The following VWA1 variants were observed in gnomAD, a reference collection of about 807,000 sequenced individuals.
VWA1 encodes the protein von Willebrand factor A domain-containing protein 1.
A neutral mutation model predicts 14.9 loss-of-function variants in VWA1; 12 were observed. The observed-to-expected ratio is 0.80, with a 90% confidence interval of 0.52 to 1.30. The LOEUF (loss-of-function observed/expected upper bound fraction) is 1.30. Ranked by LOEUF, VWA1 falls within the 50% of genes most tolerant of loss-of-function variation. The pLI is 0.00. For missense variants in VWA1, 800 were observed against 649.1 expected, an observed-to-expected ratio of 1.23 and a Z score of -2.53; for synonymous variants, 368 against 310.7, an observed-to-expected ratio of 1.18 and a Z score of -1.94.
At chr1:1,435,959 G>A in intron 1 of VWA1, 138 bp downstream of exon 1, 1 of 636,154 alleles carries the variant, frequency 1.6e-6, no homozygotes, top group Non-Finnish European at 2.0e-6. Context: ...GCGGGGGCGC[G>A]GGCGGAGCGT....
Position 1,439,681 on chromosome 1 carries a change from G to T in VWA1, c.1232G>T (p.Arg411Leu). ...VTVTAAFRSG[R>L]ESALSAKACT... ...GTGACCGCCGCCTTCCGCTCGGGCCGCGAGAGCGCGCTGTCCGCCAAGGCC... is the reference window on the plus strand; with the variant it reads ...GTGACCGCCGCCTTCCGCTCGGGCCTCGAGAGCGCGCTGTCCGCCAAGGCC... Residue 411 changes from arginine (R) to leucine (L), a missense_variant, in exon 3 of 3, where the codon CGC becomes CTC. Transcript: ENST00000476993. The T allele has an allele frequency of 7.8e-7, 1 of 1,288,280 alleles. No homozygotes were observed. Among genetic ancestry groups the T allele is most frequent in the Non-Finnish European group, 9.9e-7 (1 of 1,008,612 alleles). 79.8% of individuals were successfully genotyped at this position (1,288,280 alleles called of 1,614,324 possible). A position where few individuals can be genotyped will look rare whatever the true frequency, so the allele number is the denominator to read the frequency against.
chr1:1,439,904 C>T lies in VWA1; in HGVS notation c.*117C>T. ...GGTGCAGGCCCGGCCTTTCCCCACG[C>T]GGACTCCGCGCGACCCCGGCCCTCT... On this transcript the variant is annotated 3_prime_UTR_variant, in exon 3 of 3. Transcript: ENST00000476993. The T allele has an allele frequency of 9.9e-7, 1 of 1,010,954 alleles. No homozygotes were observed. Among genetic ancestry groups the T allele is most frequent in the Non-Finnish European group, 1.2e-6 (1 of 843,186 alleles). 62.6% of individuals were successfully genotyped at this position (1,010,954 alleles called of 1,614,324 possible).
At chr1:1,435,971 C>T in intron 1 of VWA1, 150 bp downstream of exon 1, 2 of 452,810 alleles carry the variant, frequency 4.4e-6, no homozygotes, top group Non-Finnish European at 5.7e-6. Context: ...GCGGAGCGTC[C>T]TGCTCACCTG....
chr1:1,435,718 G>C lies in VWA1; in HGVS notation c.-31G>C. 8.4e-7 allele frequency: 1 copy of C among 1,192,936 alleles called. No individual in the cohort carries two copies. Among genetic ancestry groups the C allele is most frequent in the Non-Finnish European group, 1.0e-6 (1 of 956,602 alleles). The allele number at this position is 1,192,936 out of a possible 1,614,324, so 73.9% of individuals were successfully genotyped here. A position where few individuals can be genotyped will look rare whatever the true frequency, so the allele number is the denominator to read the frequency against. ...CCCGAGCGAGCGAGCGAGCGAGCGA[G>C]TTGCCGAGCGCGCCCCGTCCCTCGC... On this transcript the variant is annotated 5_prime_UTR_variant, in exon 1 of 3. Transcript: ENST00000476993.
chr1:1,435,917 G>C (rs1319212102), intron 1 of VWA1, 96 bp downstream of exon 1: 1 of 805,682 alleles, frequency 1.2e-6, no homozygotes, highest in Non-Finnish European at 1.5e-6. Context: ...TGCTCCGGAC[G>C]GGCGGGCGGG....
chr1:1,436,839 G>C, intron 1 of VWA1, 88 bp from the exon 2 acceptor site: 3 of 1,387,148 alleles, frequency 2.2e-6, no homozygotes, highest in Non-Finnish European at 2.9e-6. Context: ...TCCACTTAAG[G>C]AAAGCTGGGG....
At position 1,437,222 on chromosome 1, in the gene VWA1, G is replaced by A. The variant is rs1235889835; in HGVS notation, c.369G>A (p.Gln123=). The A allele has an allele frequency of 1.2e-6, 2 of 1,611,660 alleles. No individual in the cohort carries two copies. Among genetic ancestry groups the A allele is most frequent in the Admixed American group, 1.7e-5 (1 of 59,820 alleles). Residue 123 remains glutamine (Q), a synonymous_variant, in exon 2 of 3, where the codon CAG becomes CAA. Coordinates refer to ENST00000476993, the MANE Select transcript of VWA1 (RefSeq NM_022834.5). The part of the protein sequence containing the change: ...TGLALVYAKE[Q]LFAEASGARP... ...TGGCGCTGGTCTATGCCAAGGAACA[G>A]CTGTTTGCTGAAGCATCAGGTGCCC...
intron 2 of VWA1, among the ~76,000 whole-genome samples, chr1:1,438,196 G>A (rs561728288): frequency 1.1e-4 from 17 of 152,306 alleles, no homozygotes; most frequent in South Asian, 4.1e-4. Context: ...ACCCAGAGCC[G>A]GAAGGGGTTG....
chr1:1,437,319 C>CAGG lies in VWA1; in HGVS notation c.469_471dup (p.Glu157dup). The CAGG allele has an allele frequency of 6.2e-7, 1 of 1,611,926 alleles. No homozygotes were observed. Among genetic ancestry groups the CAGG allele is most frequent in the Non-Finnish European group, 8.5e-7 (1 of 1,179,630 alleles). ...CAGCGACCCTGTGGGCCCCCCCATGCAGGAGCTCAAGGACCTGGGCGTCAC... is the reference window on the plus strand; with the variant it reads ...CAGCGACCCTGTGGGCCCCCCCATGCAGGAGGAGCTCAAGGACCTGGGCGTCAC... On this transcript the variant is annotated inframe_insertion, in exon 2 of 3. Transcript: ENST00000476993.
chr1:1,437,640 T>C (rs1465559536), intron 2 of VWA1, among the ~76,000 whole-genome samples, 156 bp downstream of exon 2: 1 of 152,096 alleles, frequency 6.6e-6, no homozygotes, highest in Non-Finnish European at 1.5e-5. Context: ...TGATGCAGCT[T>C]GTCTATGCAC....
Position 1,439,954 on chromosome 1 carries a change from C to T in VWA1, c.*167C>T. On this transcript the variant is annotated 3_prime_UTR_variant, in exon 3 of 3. Coordinates refer to ENST00000476993, the MANE Select transcript of VWA1 (RefSeq NM_022834.5). ...TCCCTGCGGCCGCAGGGCTTCCCCG[C>T]CTGGCGCCTGCCCTCCAGGGCTGGG... is the stretch of plus-strand genomic sequence containing the variant. 9.6e-6 allele frequency: 8 copies of T among 834,880 alleles called. No homozygotes were observed. The highest frequency in any genetic ancestry group is 1.2e-5 in the Non-Finnish European group (8 of 680,508). The allele number at this position is 834,880 out of a possible 1,614,324, so 51.7% of individuals were successfully genotyped here. A position where few individuals can be genotyped will look rare whatever the true frequency, so the allele number is the denominator to read the frequency against.
At position 1,437,461 on chromosome 1, in the gene VWA1, A is replaced by G. The variant is rs1476517441; in HGVS notation, c.608A>G (p.Gln203Arg). The change falls in exon 2 of 3, where the codon CAA becomes CGA. Residue 203 changes from glutamine to arginine, a missense_variant. Transcript: ENST00000476993. ...GTGGATGACCTGCACATCATTGTCC[A>G]AGAGCTGAGGGGCTCCATTCTCGGT... is the stretch of plus-strand genomic sequence containing the variant. ...VDVDDLHIIV[Q>R]ELRGSILDAM... 1 of 1,607,964 alleles carries G rather than the reference A, an allele frequency of 6.2e-7. No individual in the cohort carries two copies. Among genetic ancestry groups the G allele is most frequent in the African/African-American group, 1.3e-5 (1 of 74,836 alleles).
At position 1,437,303 on chromosome 1, in the gene VWA1, T is replaced by C. The variant is rs1236697384; in HGVS notation, c.450T>C (p.Pro150=). Residue 150 remains proline, a synonymous_variant, in exon 2 of 3, where the codon CCT becomes CCC. Transcript: ENST00000476993. ...VWVTDGGSSD[P]VGPPMQELKD... ...TGACAGATGGCGGCTCCAGCGACCC[T>C]GTGGGCCCCCCCATGCAGGAGCTCA... is the stretch of plus-strand genomic sequence containing the variant. 2 of 1,610,972 alleles carry C rather than the reference T, an allele frequency of 1.2e-6. No homozygotes were observed. Among genetic ancestry groups the C allele is most frequent in the East Asian group, 2.2e-5 (1 of 44,876 alleles).
chr1:1,439,422 G>GCCGCCCTCC lies in VWA1; in HGVS notation c.980_988dup (p.Leu327_Ala329dup). The GCCGCCCTCC allele has an allele frequency of 7.1e-7, 1 of 1,411,288 alleles. No individual in the cohort carries two copies. The highest frequency in any genetic ancestry group is 2.4e-4 in the Middle Eastern group (1 of 4,156). The allele number at this position is 1,411,288 out of a possible 1,614,324, so 87.4% of individuals were successfully genotyped here. On this transcript the variant is annotated inframe_insertion, in exon 3 of 3. Coordinates refer to ENST00000476993, the MANE Select transcript of VWA1 (RefSeq NM_022834.5). ...GGCTGGGCCGGCCCCCACGCAGCTC[G>GCCGCCCTCC]CCGCCCTCCCCGCCCCAGAGGAGGC...
Position 1,441,982 on chromosome 1 carries a change from T to C in VWA1, c.*2195T>C, listed in dbSNP as rs949522600. The C allele has an allele frequency of 6.6e-6, 1 of 152,276 alleles. No individual in the cohort carries two copies. The highest frequency in any genetic ancestry group is 2.4e-5 in the African/African-American group (1 of 41,446). 9.4% of individuals were successfully genotyped at this position (152,276 alleles called of 1,614,324 possible). A position where few individuals can be genotyped will look rare whatever the true frequency, so the allele number is the denominator to read the frequency against. On this transcript the variant is annotated 3_prime_UTR_variant, in exon 3 of 3. Coordinates refer to ENST00000476993, the MANE Select transcript of VWA1 (RefSeq NM_022834.5). ...CCAAGGCTGAGCACAGCACAAGGCCTCACGGAGAGGGTGAAAAGGCACTGC... is the reference window on the plus strand; with the variant it reads ...CCAAGGCTGAGCACAGCACAAGGCCCCACGGAGAGGGTGAAAAGGCACTGC...
chr1:1,440,018 T>G lies in VWA1; in HGVS notation c.*231T>G. On this transcript the variant is annotated 3_prime_UTR_variant, in exon 3 of 3. Coordinates refer to ENST00000476993, the MANE Select transcript of VWA1 (RefSeq NM_022834.5). ...GGACCCCGCAGCAGCCCCGGCCCCATCCCCGCCCAGAGCCGGGCGTCGTGT... is the reference window on the plus strand; with the variant it reads ...GGACCCCGCAGCAGCCCCGGCCCCAGCCCCGCCCAGAGCCGGGCGTCGTGT... 3.3e-6 allele frequency: 1 copy of G among 307,064 alleles called. No homozygotes were observed. Among genetic ancestry groups the G allele is most frequent in the Non-Finnish European group, 5.2e-6 (1 of 192,932 alleles). The allele number at this position is 307,064 out of a possible 1,614,324, so 19.0% of individuals were successfully genotyped here.
At position 1,440,017 on chromosome 1, in the gene VWA1, A is replaced by C. The variant is rs1036255374; in HGVS notation, c.*230A>C. The C allele has an allele frequency of 3.3e-6, 1 of 305,260 alleles. No homozygotes were observed. Among genetic ancestry groups the C allele is most frequent in the Non-Finnish European group, 5.2e-6 (1 of 191,086 alleles). The allele number at this position is 305,260 out of a possible 1,614,324, so 18.9% of individuals were successfully genotyped here. A position where few individuals can be genotyped will look rare whatever the true frequency, so the allele number is the denominator to read the frequency against. ...GGGACCCCGCAGCAGCCCCGGCCCCATCCCCGCCCAGAGCCGGGCGTCGTG... is the reference window on the plus strand; with the variant it reads ...GGGACCCCGCAGCAGCCCCGGCCCCCTCCCCGCCCAGAGCCGGGCGTCGTG... On this transcript the variant is annotated 3_prime_UTR_variant, in exon 3 of 3. Coordinates refer to ENST00000476993, the MANE Select transcript of VWA1 (RefSeq NM_022834.5).
rs1638607834 is a variant in VWA1, at chr1:1,439,300, T to G, written c.851T>G (p.Val284Gly). 2 of 1,597,812 alleles carry G rather than the reference T, an allele frequency of 1.3e-6. No individual in the cohort carries two copies. Among genetic ancestry groups the G allele is most frequent in the Non-Finnish European group, 1.7e-6 (2 of 1,175,920 alleles). Reference sequence around the variant, plus strand: ...GACACGGACTACGACGTGGCGCTAGTGCCTGAGTCCAACGTGCGCCTCCTG... The same window carrying G: ...GACACGGACTACGACGTGGCGCTAGGGCCTGAGTCCAACGTGCGCCTCCTG... Reference protein sequence around the residue: ...DPDTDYDVALVPESNVRLLRP... With the variant: ...DPDTDYDVALGPESNVRLLRP... The change falls in exon 3 of 3, where the codon GTG (valine) becomes GGG (glycine). Residue 284 changes from valine (V) to glycine (G), a missense_variant. Transcript: ENST00000476993.
Position 1,439,886 on chromosome 1 carries a change from G to A in VWA1, c.*99G>A. Reference sequence around the variant, plus strand: ...CGCCCAACCCGGCAGACGGGTGCAGGCCCGGCCTTTCCCCACGCGGACTCC... The same window carrying A: ...CGCCCAACCCGGCAGACGGGTGCAGACCCGGCCTTTCCCCACGCGGACTCC... On this transcript the variant is annotated 3_prime_UTR_variant, in exon 3 of 3. Transcript: ENST00000476993. The A allele has an allele frequency of 3.9e-6, 4 of 1,025,478 alleles. No individual in the cohort carries two copies. Among genetic ancestry groups the A allele is most frequent in the Non-Finnish European group, 2.3e-6 (2 of 855,434 alleles). 63.5% of individuals were successfully genotyped at this position (1,025,478 alleles called of 1,614,324 possible). A position where few individuals can be genotyped will look rare whatever the true frequency, so the allele number is the denominator to read the frequency against.
Sources: allele counts gnomAD v4.1 joint callset (sites outside exome capture counted in the v4.1 genomes callset), GRCh38; gene constraint gnomAD v4.1.1; transcripts MANE v1.5; gene names NCBI Gene and HGNC (gene_info 2026-07-23, HGNC 2026-07-21).